The following EDDM3A variants were observed in gnomAD, a reference collection of about 807,000 sequenced individuals.
The protein encoded by EDDM3A is epididymal protein 3A.
For missense variants in EDDM3A, 199 were observed against 177.4 expected, an observed-to-expected ratio of 1.12 and a Z score of -0.69; for synonymous variants, 75 against 60.4, an observed-to-expected ratio of 1.24 and a Z score of -1.12.
the EDDM3A span, among the ~76,000 whole-genome samples, chr14:20,738,206 G>A: frequency 6.6e-6 from 1 of 152,124 alleles, no homozygotes; most frequent in African/African-American, 2.4e-5. Context: ...AGGCATGGTG[G>A]CTCACGCCTG....
the EDDM3A span, among the ~76,000 whole-genome samples, chr14:20,737,171 A>C: frequency 6.7e-6 from 1 of 148,926 alleles, no homozygotes; most frequent in African/African-American, 2.5e-5. Context: ...CTTCTACCTT[A>C]GCCTCCGAGT....
upstream of EDDM3A, among the ~76,000 whole-genome samples, chr14:20,744,472 C>T (rs1352558794): frequency 1.3e-5 from 2 of 152,288 alleles, no homozygotes; most frequent in South Asian, 2.1e-4. Context: ...ATTCATAAAT[C>T]GTAACTTTGA....
At chr14:20,746,765 G>A (rs1407493493) in intron 1 of EDDM3A, among the ~76,000 whole-genome samples, 1 of 152,194 alleles carries the variant, frequency 6.6e-6, no homozygotes, top group Non-Finnish European at 1.5e-5. Context: ...TCAGAGAAGT[G>A]CAATTGCAGC....
upstream of EDDM3A, among the ~76,000 whole-genome samples, chr14:20,745,533 A>AG (rs1446807732): frequency 1.3e-5 from 2 of 151,832 alleles, no homozygotes; most frequent in East Asian, 3.9e-4. Flanking sequence ...CTCAAAAAAA[A>AG]AAAAAAGGTG....
the EDDM3A span, among the ~76,000 whole-genome samples, chr14:20,739,553 C>T: frequency 2.0e-5 from 3 of 152,096 alleles, no homozygotes; most frequent in Admixed American, 1.3e-4. Flanking sequence ...ATATATGGCA[C>T]CCTAAAATAT....
the EDDM3A span, among the ~76,000 whole-genome samples, chr14:20,737,148 G>C: frequency 6.6e-6 from 1 of 151,106 alleles, no homozygotes; most frequent in Non-Finnish European, 1.5e-5. Context: ...CTGCCTCCTG[G>C]GTTCAAGCAA....
Position 20,747,818 on chromosome 14 carries a change from T to C in EDDM3A, c.238T>C (p.Cys80Arg). Residue 80 changes from cysteine to arginine, a missense_variant, in exon 2 of 2, where the codon TGC (cysteine) becomes CGC (arginine). Cys to Arg is a radical substitution (Grantham distance 180). Coordinates refer to ENST00000326842, the MANE Select transcript of EDDM3A (RefSeq NM_006683.5). Reference sequence around the variant, plus strand: ...CTTATGGTTCAAAATTCAGCGTGCATGCATCAATGAGAAGGGGAGCGACCG... The same window carrying C: ...CTTATGGTTCAAAATTCAGCGTGCACGCATCAATGAGAAGGGGAGCGACCG... ...YSLWFKIQRA[C>R]INEKGSDRYR... The C allele has an allele frequency of 1.2e-6, 2 of 1,614,128 alleles. No individual in the cohort carries two copies. The highest frequency in any genetic ancestry group is 1.7e-6 in the Non-Finnish European group (2 of 1,180,006).
upstream of EDDM3A, among the ~76,000 whole-genome samples, chr14:20,745,668 T>C (rs1877562878): frequency 6.6e-6 from 1 of 152,186 alleles, no homozygotes; most frequent in Non-Finnish European, 1.5e-5. Flanking sequence ...ATAACCCTTT[T>C]CTGGGGTCAC....
At chr14:20,742,022 T>C (rs1056720993), upstream of EDDM3A, among the ~76,000 whole-genome samples, 3 of 152,222 alleles carry the variant, frequency 2.0e-5, no homozygotes, top group Non-Finnish European at 2.9e-5. Context: ...CCTGAATACC[T>C]TATCGATTTC....
chr14:20,740,535 C>T, the EDDM3A span, among the ~76,000 whole-genome samples: 7 of 152,136 alleles, frequency 4.6e-5, no homozygotes, highest in African/African-American at 1.7e-4. Flanking sequence ...TCCTGTTGTC[C>T]CTCCTTCACA....
the EDDM3A span, among the ~76,000 whole-genome samples, chr14:20,736,322 C>A: frequency 1.3e-5 from 2 of 152,164 alleles, no homozygotes; most frequent in Admixed American, 1.3e-4. Flanking sequence ...GTTGGCCAGG[C>A]TGGTCTCAGA....
At chr14:20,743,647 T>G (rs921037035), upstream of EDDM3A, among the ~76,000 whole-genome samples, 1 of 152,192 alleles carries the variant, frequency 6.6e-6, no homozygotes, top group Non-Finnish European at 1.5e-5. Flanking sequence ...AAAATTTATA[T>G]TTAAAGGGGA....
rs1335114419 is a variant in EDDM3A, at chr14:20,747,623, C to A, written c.43C>A (p.Leu15Ile). The change falls in exon 2 of 2, where the codon CTT becomes ATT. Residue 15 changes from leucine (L) to isoleucine (I), a missense_variant. Leu to Ile is a conservative substitution (Grantham distance 5). Transcript: ENST00000326842. ...GATTTGGGGCATACTCTTGGCCCTG[C>A]TTTGCATCCTTTGCAGGCTGTGTGT... ...LKIWGILLALLCILCRLCVYS... is the reference protein window; with the variant it reads ...LKIWGILLALICILCRLCVYS... The A allele has an allele frequency of 6.2e-7, 1 of 1,613,362 alleles. No homozygotes were observed. Among genetic ancestry groups the A allele is most frequent in the East Asian group, 2.2e-5 (1 of 44,880 alleles).
the EDDM3A span, among the ~76,000 whole-genome samples, chr14:20,736,614 G>A: frequency 6.6e-6 from 1 of 151,992 alleles, no homozygotes; most frequent in Non-Finnish European, 1.5e-5. Context: ...TTACTCTTTG[G>A]TTTTCTACTT....
At chr14:20,740,497 C>T in the EDDM3A span, among the ~76,000 whole-genome samples, 62,962 of 152,038 alleles carry the variant, frequency 0.41, 13,432 homozygotes, top group Non-Finnish European at 0.47. Flanking sequence ...TGCTGGCCTT[C>T]TTAGAGGTCC....
chr14:20,747,366 G>A (rs1315940822), intron 1 of EDDM3A, among the ~76,000 whole-genome samples, 189 bp from the exon 2 acceptor site: 1 of 152,170 alleles, frequency 6.6e-6, no homozygotes, highest in East Asian at 1.9e-4. Flanking sequence ...CAAACTGCTG[G>A]GATTACGGGT....
At position 20,747,563 on chromosome 14, in the gene EDDM3A, G is replaced by A. The variant is rs769871623; in HGVS notation, c.-18G>A. On this transcript the variant is annotated 5_prime_UTR_variant, in exon 2 of 2. In the 5' UTR this introduces an upstream ATG that the reference lacks. Coordinates refer to ENST00000326842, the MANE Select transcript of EDDM3A (RefSeq NM_006683.5). Reference sequence around the variant, plus strand: ...CTTTCTCTTCCCTGTAGACACGCAGGTGGACGTGGTGACTGAGATGACATC... The same window carrying A: ...CTTTCTCTTCCCTGTAGACACGCAGATGGACGTGGTGACTGAGATGACATC... The A allele has an allele frequency of 8.3e-5, 131 of 1,574,780 alleles. No homozygotes were observed. Among genetic ancestry groups the A allele is most frequent in the Non-Finnish European group, 1.1e-4 (130 of 1,159,388 alleles).
rs1203780076 is a variant in EDDM3A, at chr14:20,747,709, A to G, written c.129A>G (p.Arg43=). 1 of 1,614,232 alleles carries G rather than the reference A, an allele frequency of 6.2e-7. No individual in the cohort carries two copies. The highest frequency in any genetic ancestry group is 8.5e-7 in the Non-Finnish European group (1 of 1,180,038). Residue 43 remains arginine, a synonymous_variant, in exon 2 of 2, where the codon CGA becomes CGG. Coordinates refer to ENST00000326842, the MANE Select transcript of EDDM3A (RefSeq NM_006683.5). ...AACTTCATTACTTAAGTCCAAGTCG[A>G]GAATTCAAAGAGTACAAATGTGATG... ...FIKLHYLSPS[R]EFKEYKCDVL... is the part of the protein sequence containing the mutation.
the EDDM3A span, among the ~76,000 whole-genome samples, chr14:20,740,061 A>G: frequency 6.6e-6 from 1 of 152,188 alleles, no homozygotes; most frequent in Non-Finnish European, 1.5e-5. Flanking sequence ...CTTCTCAAGA[A>G]TCAAAAATCC....
Sources: gnomAD v4.1 joint callset for allele counts (sites outside exome capture counted in the v4.1 genomes callset) on GRCh38, gnomAD v4.1.1 for gene constraint, MANE v1.5 for transcripts, NCBI Gene and HGNC (gene_info 2026-07-23, HGNC 2026-07-21) for gene names.